Variants in IGF1R observed in about 807,000 individuals in gnomAD.
The protein encoded by IGF1R is insulin-like growth factor 1 receptor.
A neutral mutation model predicts 144.6 loss-of-function variants in IGF1R; 44 were observed. The ratio of observed to expected loss-of-function variants is 0.30; its 90% CI spans 0.24 to 0.39. The LOEUF (loss-of-function observed/expected upper bound fraction) is 0.39. Among genes scored for constraint, IGF1R ranks in the 10% least tolerant of loss-of-function variants. The pLI, the probability that IGF1R is intolerant of heterozygous loss-of-function variation, is 1.00. For missense variants in IGF1R, 1,355 were observed against 1,833.7 expected, an observed-to-expected ratio of 0.74 and a Z score of 4.77; for synonymous variants, 795 against 722.8, an observed-to-expected ratio of 1.10 and a Z score of -1.60.
rs779675342 is a variant in IGF1R at position 98,688,456 on chromosome 15, G to A, written c.95-19106G>A. On this transcript the variant is annotated intron_variant, in intron 1 of 20. Transcript: ENST00000650285. Reference sequence around the variant, plus strand: ...TGTGTGTGTGTGTGTGTGTGTGATGGCACTGTTATTTCATGTGTATACCTT... The same window carrying A: ...TGTGTGTGTGTGTGTGTGTGTGATGACACTGTTATTTCATGTGTATACCTT... Among the ~76,000 whole-genome samples the A allele has an allele frequency of 1.0e-3, 150 of 146,394 alleles. No individual in the cohort carries two copies. The Middle Eastern group carries it at 0.014, about 14-fold the overall frequency.
chr15:98,835,146 CACACCCACCCCT>C (rs1441945357), intron 2 of IGF1R, among the ~76,000 whole-genome samples: 8 of 150,896 alleles, frequency 5.3e-5, no homozygotes, highest in Non-Finnish European at 1.0e-4. Context: ...TACACCCACA[CACACCCACCCCT>C]ACACCCACAC....
chr15:98,741,016 G>C (rs1352245625), intron 2 of IGF1R, among the ~76,000 whole-genome samples: 1 of 151,228 alleles, frequency 6.6e-6, no homozygotes, highest in Non-Finnish European at 1.5e-5. Flanking sequence ...TTTCTGAATA[G>C]AAATACAAAG....
At chr15:98,882,091 T>C (rs2013413527) in intron 2 of IGF1R, among the ~76,000 whole-genome samples, 1 of 152,172 alleles carries the variant, frequency 6.6e-6, no homozygotes, top group South Asian at 2.1e-4. Context: ...CAAGCTGCTT[T>C]GGGCAAAAAA....
chr15:98,725,494 C>T (rs910357406), intron 2 of IGF1R, among the ~76,000 whole-genome samples: 29 of 152,182 alleles, frequency 1.9e-4, no homozygotes, highest in African/African-American at 6.5e-4. Context: ...CAGTGCTTCT[C>T]CAACTCCTGG....
intron 2 of IGF1R, among the ~76,000 whole-genome samples, chr15:98,784,174 C>T (rs1439885630): frequency 1.3e-5 from 2 of 151,806 alleles, no homozygotes; most frequent in Non-Finnish European, 2.9e-5. Flanking sequence ...AGAGTTTCAC[C>T]GTGTTGACCA....
chr15:98,880,797 A>G (rs780347511), intron 2 of IGF1R: 18 of 152,238 alleles, frequency 1.2e-4, no homozygotes, highest in African/African-American at 4.3e-4. Flanking sequence ...TCACTGCTCA[A>G]TTGCAACAAC....
intron 2 of IGF1R, among the ~76,000 whole-genome samples, chr15:98,815,397 C>T (rs1178217465): frequency 5.9e-5 from 9 of 152,176 alleles, no homozygotes; most frequent in East Asian, 1.9e-4. Context: ...GTGAGGAGGG[C>T]GAAATATGCC....
At chr15:98,943,450 G>A (rs1202172263) in intron 19 of IGF1R, among the ~76,000 whole-genome samples, 1 of 152,172 alleles carries the variant, frequency 6.6e-6, no homozygotes. Flanking sequence ...TCAGATTGCA[G>A]ACAGTGCTTT....
At chr15:98,675,496 T>A (rs1186980218) in intron 1 of IGF1R, among the ~76,000 whole-genome samples, 1 of 152,206 alleles carries the variant, frequency 6.6e-6, no homozygotes, top group East Asian at 1.9e-4. Flanking sequence ...GCAGTGTCTG[T>A]CATCCATACT....
At chr15:98,868,548 A>G (rs534249455) in intron 2 of IGF1R, among the ~76,000 whole-genome samples, 11 of 152,264 alleles carry the variant, frequency 7.2e-5, no homozygotes, top group Admixed American at 2.0e-4. Context: ...ATTACGCTAG[A>G]AAACTCTGTG....
At chr15:98,732,922 T>TGG (rs1181860160) in intron 2 of IGF1R, among the ~76,000 whole-genome samples, 1 of 152,082 alleles carries the variant, frequency 6.6e-6, no homozygotes, top group East Asian at 1.9e-4. Context: ...GCCACCCCTT[T>TGG]GGGAGGGGTC....
intron 2 of IGF1R, among the ~76,000 whole-genome samples, chr15:98,888,584 T>C (rs1267110153): frequency 6.6e-6 from 1 of 152,158 alleles, no homozygotes; most frequent in Non-Finnish European, 1.5e-5. Flanking sequence ...TGCATACTTT[T>C]TTGGTGTGAT....
At chr15:98,872,855 C>A (rs201372330) in intron 2 of IGF1R, among the ~76,000 whole-genome samples, 36 of 142,434 alleles carry the variant, frequency 2.5e-4, no homozygotes, top group South Asian at 1.9e-3. Context: ...AAAAAAAAAA[C>A]AAAACAGACA....
intron 2 of IGF1R, chr15:98,734,631 G>C (rs2054570502): frequency 1.3e-5 from 2 of 152,200 alleles, no homozygotes; most frequent in Admixed American, 1.3e-4. Context: ...GTAAGTGTGT[G>C]TTTTGGACTA....
intron 2 of IGF1R, among the ~76,000 whole-genome samples, chr15:98,729,665 T>C (rs937152900): frequency 1.6e-4 from 24 of 152,102 alleles, no homozygotes; most frequent in African/African-American, 5.5e-4. Context: ...CTGGAGACAG[T>C]ATCTGGGGGC....
At chr15:98,912,342 C>T (rs1305139884) in intron 7 of IGF1R, among the ~76,000 whole-genome samples, 1 of 152,212 alleles carries the variant, frequency 6.6e-6, no homozygotes, top group Non-Finnish European at 1.5e-5. Flanking sequence ...AGGGGAGCCC[C>T]TCATGATCTC....
chr15:98,835,109 A>ACACACACACC (rs1567152878), intron 2 of IGF1R, among the ~76,000 whole-genome samples: 1 of 106,396 alleles, frequency 9.4e-6, no homozygotes, highest in African/African-American at 3.6e-5. Flanking sequence ...ACACACACAC[A>ACACACACACC]CCCCTACACC....
intron 2 of IGF1R, among the ~76,000 whole-genome samples, chr15:98,746,371 G>A (rs2054866260): frequency 6.6e-6 from 1 of 152,168 alleles, no homozygotes; most frequent in South Asian, 2.1e-4. Flanking sequence ...GGGTTCTCTG[G>A]AACTCTGTCT....
At chr15:98,682,881 T>C (rs1222545779) in intron 1 of IGF1R, among the ~76,000 whole-genome samples, 1 of 152,042 alleles carries the variant, frequency 6.6e-6, no homozygotes, top group Admixed American at 6.6e-5. Flanking sequence ...ACTGTCTTAT[T>C]TGGGTCTCAA....
Sources: allele counts gnomAD v4.1 joint callset (sites outside exome capture counted in the v4.1 genomes callset), GRCh38; gene constraint gnomAD v4.1.1; transcripts MANE v1.5; gene names NCBI Gene and HGNC (gene_info 2026-07-23, HGNC 2026-07-21).